The following RASAL2 variants were observed in gnomAD, a reference collection of about 807,000 sequenced individuals.
The protein encoded by RASAL2 is ras GTPase-activating protein nGAP.
In RASAL2, 58 loss-of-function variants were observed where a neutral mutation model predicts 128.9. That is an observed-to-expected ratio of 0.45 (90% CI 0.36 to 0.56). The LOEUF (loss-of-function observed/expected upper bound fraction) is 0.56. Among genes scored for constraint, RASAL2 ranks in the 20% least tolerant of loss-of-function variants. The pLI, the probability that RASAL2 is intolerant of heterozygous loss-of-function variation, is 0.00. For missense variants in RASAL2, 1,360 were observed against 1,601.6 expected, an observed-to-expected ratio of 0.85 and a Z score of 2.57; for synonymous variants, 561 against 580.8, an observed-to-expected ratio of 0.97 and a Z score of 0.49.
intron 1 of RASAL2, among the ~76,000 whole-genome samples, chr1:178,231,817 C>T (rs963096757): frequency 6.6e-6 from 1 of 152,140 alleles, no homozygotes; most frequent in Admixed American, 6.5e-5. Flanking sequence ...GGAAAATGTA[C>T]AATTGTAAGA....
intron 3 of RASAL2, among the ~76,000 whole-genome samples, chr1:178,327,110 A>T (rs1462081072): frequency 6.6e-6 from 1 of 152,190 alleles, no homozygotes; most frequent in Non-Finnish European, 1.5e-5. Flanking sequence ...AATGAAATTT[A>T]AAATCATCAA....
At chr1:178,447,334 T>A (rs369443789) in intron 9 of RASAL2, among the ~76,000 whole-genome samples, 2 of 145,552 alleles carry the variant, frequency 1.4e-5, no homozygotes, top group Non-Finnish European at 3.0e-5. Flanking sequence ...AAAAAATAAA[T>A]AAATAAATAA....
chr1:178,473,184 A>G lies in RASAL2; in HGVS notation c.3788A>G (p.Asn1263Ser). Residue 1263 changes from asparagine to serine, a missense_variant, in exon 18 of 18, where the codon AAC (asparagine) becomes AGC (serine). Around this residue, in one of 3 missense-constraint regions of RASAL2, gnomAD observed 741 missense variants for 868.6 expected, o/e 0.85. Transcript: ENST00000367649. ...GTCCGCAATGGCATCTCCCCCACCA[A>G]CCCCACCAAGCTTTCCATCACGGAG... ...MQVRNGISPT[N>S]PTKLSITENG... The G allele has an allele frequency of 6.2e-7, 1 of 1,613,982 alleles. No homozygotes were observed. Among genetic ancestry groups the G allele is most frequent in the South Asian group, 1.1e-5 (1 of 91,062 alleles).
intron 3 of RASAL2, among the ~76,000 whole-genome samples, chr1:178,314,077 T>C (rs1449083691): frequency 6.6e-6 from 1 of 152,232 alleles, no homozygotes; most frequent in African/African-American, 2.4e-5. Flanking sequence ...TATGATTTAA[T>C]GTATCATTTT....
intron 4 of RASAL2, chr1:178,411,511 T>C (rs1674384380): frequency 1.8e-6 from 1 of 546,874 alleles, no homozygotes; most frequent in Non-Finnish European, 3.3e-6. Context: ...AACTTTTCCA[T>C]GCAATCAGAC....
intron 3 of RASAL2, among the ~76,000 whole-genome samples, chr1:178,389,683 C>T (rs184155931): frequency 7.9e-5 from 12 of 152,264 alleles, no homozygotes; most frequent in African/African-American, 2.4e-4. Flanking sequence ...TTTGTGCAAA[C>T]ACCATCAAAT....
At chr1:178,155,172 T>C (rs1280193322) in intron 1 of RASAL2, among the ~76,000 whole-genome samples, 1 of 152,108 alleles carries the variant, frequency 6.6e-6, no homozygotes, top group Non-Finnish European at 1.5e-5. Flanking sequence ...AATCTAGATA[T>C]AGTAGCAGGA....
intron 1 of RASAL2, among the ~76,000 whole-genome samples, chr1:178,248,799 G>T (rs1571702557): frequency 6.6e-6 from 1 of 152,148 alleles, no homozygotes; most frequent in African/African-American, 2.4e-5. Flanking sequence ...CATTTATGAA[G>T]CTTAGTTTAG....
At chr1:178,169,505 T>C (rs1661633322) in intron 1 of RASAL2, among the ~76,000 whole-genome samples, 1 of 152,128 alleles carries the variant, frequency 6.6e-6, no homozygotes, top group African/African-American at 2.4e-5. Flanking sequence ...CCTTTGGGTA[T>C]GTCATAAGGA....
intron 2 of RASAL2, among the ~76,000 whole-genome samples, chr1:178,293,851 G>A (rs1667383158): frequency 6.6e-6 from 1 of 152,236 alleles, no homozygotes; most frequent in Non-Finnish European, 1.5e-5. Flanking sequence ...CTAAATGGAA[G>A]TGTACCTTGA....
chr1:178,196,182 T>TA (rs1454751274), intron 1 of RASAL2, among the ~76,000 whole-genome samples: 1 of 152,024 alleles, frequency 6.6e-6, no homozygotes, highest in African/African-American at 2.4e-5. Flanking sequence ...CTCATTAATT[T>TA]AAAAAAATAA....
chr1:178,270,565 A>AGT (rs1666198134), intron 1 of RASAL2, among the ~76,000 whole-genome samples: 1 of 148,118 alleles, frequency 6.8e-6, no homozygotes, highest in Non-Finnish European at 1.5e-5. Context: ...TGAGGATAAC[A>AGT]GTGTTTTGTT....
chr1:178,261,662 C>A (rs531147464), intron 1 of RASAL2, among the ~76,000 whole-genome samples: 1 of 152,040 alleles, frequency 6.6e-6, no homozygotes, highest in Non-Finnish European at 1.5e-5. Context: ...TGACTCAACG[C>A]GTGTAATCCC....
intron 3 of RASAL2, among the ~76,000 whole-genome samples, chr1:178,310,565 T>A (rs1377218262): frequency 1.3e-5 from 2 of 152,174 alleles, no homozygotes; most frequent in East Asian, 3.9e-4. Context: ...TGAGCTAGAT[T>A]TTGATTAGCA....
intron 5 of RASAL2, among the ~76,000 whole-genome samples, chr1:178,426,841 C>G (rs1170108098): frequency 2.0e-5 from 3 of 152,042 alleles, no homozygotes; most frequent in Non-Finnish European, 4.4e-5. Flanking sequence ...AACAAGGAGC[C>G]TTTAAACATT....
Position 178,268,169 on chromosome 1 carries a change from A to G in RASAL2, c.203-15395A>G, listed in dbSNP as rs1056044364. Among the ~76,000 whole-genome samples, 72 of 152,192 alleles carry G rather than the reference A, an allele frequency of 4.7e-4. 1 individual carries two copies. The highest frequency in any genetic ancestry group is 1.6e-3 in the African/African-American group (66 of 41,534). On this transcript the variant is annotated intron_variant, in intron 1 of 17. Coordinates refer to ENST00000367649, the MANE Select transcript of RASAL2 (RefSeq NM_170692.4). Reference sequence around the variant, plus strand: ...GAGTGAGACCCTACCAAAATAAAATAAACAAATTAAAAATTAGCAGCTGGG... The same window carrying G: ...GAGTGAGACCCTACCAAAATAAAATGAACAAATTAAAAATTAGCAGCTGGG...
chr1:178,212,968 C>G (rs995307445), intron 1 of RASAL2, among the ~76,000 whole-genome samples: 5 of 152,202 alleles, frequency 3.3e-5, no homozygotes, highest in Non-Finnish European at 7.3e-5. Flanking sequence ...ACAAAGCAGT[C>G]TTTCTCCAAG....
chr1:178,173,332 A>G (rs1287443098), intron 1 of RASAL2, among the ~76,000 whole-genome samples: 2 of 152,082 alleles, frequency 1.3e-5, no homozygotes, highest in Non-Finnish European at 2.9e-5. Flanking sequence ...TGTTCTTGGT[A>G]TTCATGTTTC....
At chr1:178,310,240 T>C (rs1433569380) in intron 3 of RASAL2, among the ~76,000 whole-genome samples, 1 of 152,214 alleles carries the variant, frequency 6.6e-6, no homozygotes, top group Non-Finnish European at 1.5e-5. Context: ...TTTTGTGTTA[T>C]GTGCAAATTG....
Sources: allele counts gnomAD v4.1 joint callset (sites outside exome capture counted in the v4.1 genomes callset), GRCh38; gene constraint gnomAD v4.1.1; regional missense constraint gnomAD v4.1.1; transcripts MANE v1.5; gene names NCBI Gene and HGNC (gene_info 2026-07-23, HGNC 2026-07-21).